The following LRRC3B variants were observed in gnomAD, a reference collection of about 807,000 sequenced individuals.
LRRC3B encodes leucine rich repeat containing 3B.
LRRC3B carries 2 observed loss-of-function variants against 12.8 expected under a neutral mutation model. That is an observed-to-expected ratio of 0.16 (90% confidence interval 0.06 to 0.49). The LOEUF is 0.49. Among genes scored for constraint, LRRC3B ranks in the 20% least tolerant of loss-of-function variants. The pLI, the probability that LRRC3B is intolerant of heterozygous loss-of-function variation, is 0.96. For missense variants in LRRC3B, 189 were observed against 319.4 expected, an observed-to-expected ratio of 0.59 and a Z score of 3.11; for synonymous variants, 132 against 122.0, an observed-to-expected ratio of 1.08 and a Z score of -0.54.
At chr3:26,657,041 A>G (rs1239720127) in intron 1 of LRRC3B, among the ~76,000 whole-genome samples, 2 of 152,180 alleles carry the variant, frequency 1.3e-5, no homozygotes, top group African/African-American at 2.4e-5. Context: ...CCTTTTTTAT[A>G]GGATCCAGAG....
chr3:26,623,347 C>T (rs1698552651), intron 1 of LRRC3B, 110 bp downstream of exon 1: 1 of 152,378 alleles, frequency 6.6e-6, no homozygotes, highest in Non-Finnish European at 1.5e-5. Context: ...TACACCAGTT[C>T]TAAGCCGTGC....
chr3:26,633,162 T>G (rs1048024261), intron 1 of LRRC3B, among the ~76,000 whole-genome samples: 5 of 152,088 alleles, frequency 3.3e-5, no homozygotes, highest in Non-Finnish European at 7.4e-5. Flanking sequence ...TCTTCTTCCT[T>G]TCTCTTCTTC....
intron 1 of LRRC3B, among the ~76,000 whole-genome samples, chr3:26,684,377 G>A (rs1490952302): frequency 6.6e-6 from 1 of 152,218 alleles, no homozygotes; most frequent in African/African-American, 2.4e-5. Flanking sequence ...CCTTGACCAT[G>A]ATATGTGCTG....
chr3:26,642,837 T>G (rs959276999), intron 1 of LRRC3B, among the ~76,000 whole-genome samples: 1 of 152,014 alleles, frequency 6.6e-6, no homozygotes, highest in Non-Finnish European at 1.5e-5. Flanking sequence ...GCTAACATGG[T>G]GAAAGCCTGT....
At chr3:26,698,829 C>T (rs1179341485) in intron 1 of LRRC3B, among the ~76,000 whole-genome samples, 1 of 152,118 alleles carries the variant, frequency 6.6e-6, no homozygotes, top group Non-Finnish European at 1.5e-5. Context: ...CCATTCTACT[C>T]ATATCAGCAT....
At chr3:26,658,269 A>G (rs551568864) in intron 1 of LRRC3B, among the ~76,000 whole-genome samples, 1 of 152,262 alleles carries the variant, frequency 6.6e-6, no homozygotes, top group South Asian at 2.1e-4. Flanking sequence ...CATGTTAGCC[A>G]GAATGGTCTC....
intron 1 of LRRC3B, among the ~76,000 whole-genome samples, chr3:26,637,155 C>T (rs1054815381): frequency 2.6e-5 from 4 of 151,550 alleles, no homozygotes; most frequent in Admixed American, 2.6e-4. Context: ...CACCACCATG[C>T]CCAGCTAATT....
Position 26,657,354 on chromosome 3 carries a change from C to G in LRRC3B, c.-161+34117C>G, listed in dbSNP as rs1699392662. ...AGCATTCCAGGTATACAGTGCATAC[C>G]TGATTGATTGAATTATACTTATTGA... On this transcript the variant is annotated intron_variant, in intron 1 of 1. Transcript: ENST00000396641. Among the ~76,000 whole-genome samples the G allele has an allele frequency of 3.9e-5, 6 of 152,108 alleles. No individual in the cohort carries two copies. In the South Asian group the frequency reaches 1.2e-3, roughly 31 times the overall value.
At chr3:26,625,968 T>G (rs76819497) in intron 1 of LRRC3B, among the ~76,000 whole-genome samples, 1,868 of 152,318 alleles carry the variant, frequency 0.012, 33 homozygotes, top group African/African-American at 0.04. Flanking sequence ...GGTCTGGTGA[T>G]CAGAGAACAC....
At chr3:26,684,445 C>G (rs1179458790) in intron 1 of LRRC3B, among the ~76,000 whole-genome samples, 1 of 152,232 alleles carries the variant, frequency 6.6e-6, no homozygotes, top group Non-Finnish European at 1.5e-5. Flanking sequence ...TTTACTTCAG[C>G]TCTCTTACTG....
chr3:26,693,096 C>T (rs956486531), intron 1 of LRRC3B, among the ~76,000 whole-genome samples: 4 of 151,756 alleles, frequency 2.6e-5, no homozygotes, highest in Admixed American at 2.0e-4. Context: ...TTTGGGAGGC[C>T]GAGACGGGCG....
chr3:26,680,597 A>C (rs1258855871), intron 1 of LRRC3B, among the ~76,000 whole-genome samples: 1 of 152,358 alleles, frequency 6.6e-6, no homozygotes, highest in Admixed American at 6.5e-5. Flanking sequence ...TCCATGTCAC[A>C]GCGTGCAATT....
At position 26,641,875 on chromosome 3, in the gene LRRC3B, G is replaced by A. The variant is rs145288159; in HGVS notation, c.-161+18638G>A. Among the ~76,000 whole-genome samples the A allele has an allele frequency of 2.5e-3, 385 of 152,124 alleles. 1 individual carries two copies. The highest frequency in any genetic ancestry group is 8.2e-3 in the African/African-American group (342 of 41,494). On this transcript the variant is annotated intron_variant, in intron 1 of 1. Transcript: ENST00000396641. ...CTTTTAGACACTCAGCAATTACAGA[G>A]GATCTTAAAGAGGTCTTGTTCATGT...
chr3:26,648,127 G>C (rs567083376), intron 1 of LRRC3B, among the ~76,000 whole-genome samples: 1 of 151,846 alleles, frequency 6.6e-6, no homozygotes, highest in Non-Finnish European at 1.5e-5. Context: ...AAATTTTCAA[G>C]CTTTACTATT....
At chr3:26,700,888 A>G (rs1421068225) in intron 1 of LRRC3B, among the ~76,000 whole-genome samples, 2 of 152,182 alleles carry the variant, frequency 1.3e-5, no homozygotes, top group Non-Finnish European at 2.9e-5. Flanking sequence ...AAGGGTTGCA[A>G]TTACTACCTT....
At chr3:26,670,709 G>A (rs914070202) in intron 1 of LRRC3B, among the ~76,000 whole-genome samples, 1 of 152,252 alleles carries the variant, frequency 6.6e-6, no homozygotes, top group Non-Finnish European at 1.5e-5. Flanking sequence ...CCTTGAACAA[G>A]TTCCTTAACC....
intron 1 of LRRC3B, among the ~76,000 whole-genome samples, chr3:26,626,438 T>C (rs1698627244): frequency 6.6e-6 from 1 of 152,152 alleles, no homozygotes; most frequent in Non-Finnish European, 1.5e-5. Flanking sequence ...ATCTCAGATA[T>C]TATCCCACCC....
chr3:26,695,589 A>G (rs1700296213), intron 1 of LRRC3B, among the ~76,000 whole-genome samples: 1 of 152,208 alleles, frequency 6.6e-6, no homozygotes, highest in Admixed American at 6.5e-5. Context: ...GACAGTTTGA[A>G]AAAAACAGGT....
At chr3:26,693,565 G>A (rs1256768199) in intron 1 of LRRC3B, among the ~76,000 whole-genome samples, 1 of 152,172 alleles carries the variant, frequency 6.6e-6, no homozygotes, top group Non-Finnish European at 1.5e-5. Context: ...ATGGAAGTCA[G>A]TTTTGGAAGC....
Sources: allele counts gnomAD v4.1 joint callset (sites outside exome capture counted in the v4.1 genomes callset), GRCh38; gene constraint gnomAD v4.1.1; transcripts MANE v1.5; gene names NCBI Gene and HGNC (gene_info 2026-07-23, HGNC 2026-07-21).